The following KCNK13 variants were observed in gnomAD, a reference collection of about 807,000 sequenced individuals.
KCNK13 encodes potassium channel subfamily K member 13.
KCNK13 carries 12 observed loss-of-function variants against 23.4 expected under a neutral mutation model. The observed-to-expected ratio is 0.51, with a 90% CI of 0.33 to 0.83. KCNK13 has a LOEUF of 0.83. Among genes scored for constraint, KCNK13 ranks in the 40% least tolerant of loss-of-function variants. KCNK13 has a pLI of 0.02. For synonymous variants in KCNK13, 231 were observed against 229.5 expected, an observed-to-expected ratio of 1.01 and a Z score of -0.06; for missense variants, 463 against 556.3, an observed-to-expected ratio of 0.83 and a Z score of 1.69.
intron 1 of KCNK13, among the ~76,000 whole-genome samples, chr14:90,175,575 A>G (rs1234880801): frequency 6.6e-6 from 1 of 152,152 alleles, no homozygotes; most frequent in Non-Finnish European, 1.5e-5. Flanking sequence ...CTAATTTTCA[A>G]TGGAAAATGG....
chr14:90,175,897 A>G (rs61996900), intron 1 of KCNK13, among the ~76,000 whole-genome samples: 37,329 of 152,026 alleles, frequency 0.25, 5,934 homozygotes, highest in Non-Finnish European at 0.36. Flanking sequence ...CTGTCTCTCC[A>G]GCTGAGTGGT....
rs12587436 is a variant in KCNK13, at chr14:90,119,527, A to G, written c.334+56988A>G. On this transcript the variant is annotated intron_variant, in intron 1 of 1. Coordinates refer to ENST00000282146, the MANE Select transcript of KCNK13 (RefSeq NM_022054.4). ...AAATAATCATCACATAAACAGAACT[A>G]GTTACTAGAAAAATGCAAATTAAAA... 6.6e-5 allele frequency among the ~76,000 whole-genome samples: 10 copies of G among 152,288 alleles called. No individual in the cohort carries two copies. In the East Asian group the frequency reaches 1.7e-3, roughly 26 times the overall value.
In KCNK13 at chr14:90,062,243, T is replaced by C. The variant is rs1888951453; in HGVS notation, c.38T>C (p.Leu13Pro). The C allele has an allele frequency of 7.6e-7, 1 of 1,320,820 alleles. No individual in the cohort carries two copies. The highest frequency in any genetic ancestry group is 9.9e-7 in the Non-Finnish European group (1 of 1,010,144). 81.8% of individuals were successfully genotyped at this position (1,320,820 alleles called of 1,614,324 possible). Residue 13 changes from leucine to proline, a missense_variant, in exon 1 of 2, where the codon CTG becomes CCG. By Grantham distance (98) the Leu-to-Pro change is moderately conservative (BLOSUM62 -3). Around this residue, in one of 3 missense-constraint regions of KCNK13, gnomAD observed 153 missense variants for 153.6 expected, o/e 1.00. Coordinates refer to ENST00000282146, the MANE Select transcript of KCNK13 (RefSeq NM_022054.4). The surrounding 1 kb of genome is among the most constrained non-coding windows in gnomAD (Gnocchi z 4.5). ...GRGFSWGPGH[L>P]NEDNARFLLL... Reference sequence around the variant, plus strand: ...GGTTTCAGCTGGGGCCCGGGCCACCTGAACGAGGACAACGCGCGCTTTCTG... The same window carrying C: ...GGTTTCAGCTGGGGCCCGGGCCACCCGAACGAGGACAACGCGCGCTTTCTG...
intron 1 of KCNK13, among the ~76,000 whole-genome samples, chr14:90,155,351 T>C (rs1230749465): frequency 2.0e-5 from 3 of 151,334 alleles, no homozygotes. Context: ...AATTTAGAGG[T>C]AGGATTGGGG....
intron 1 of KCNK13, among the ~76,000 whole-genome samples, chr14:90,131,083 A>T (rs1019196739): frequency 6.6e-6 from 1 of 152,166 alleles, no homozygotes; most frequent in Non-Finnish European, 1.5e-5. Flanking sequence ...ATGAGAACTT[A>T]TGGAAAGCAC....
intron 1 of KCNK13, among the ~76,000 whole-genome samples, chr14:90,063,076 T>C (rs1335253646): frequency 6.6e-6 from 1 of 151,804 alleles, no homozygotes; most frequent in Non-Finnish European, 1.5e-5. Context: ...GTTCAAAAGA[T>C]GGAAAATTTT....
intron 1 of KCNK13, among the ~76,000 whole-genome samples, chr14:90,104,791 CT>C (rs66511223): frequency 0.22 from 24,858 of 113,194 alleles, 2,378 homozygotes; most frequent in Non-Finnish European, 0.27. Flanking sequence ...CTTTTCTTTT[CT>C]TTTTTTTTTT....
chr14:90,178,923 T>C (rs1890454843), intron 1 of KCNK13, among the ~76,000 whole-genome samples: 1 of 152,150 alleles, frequency 6.6e-6, no homozygotes. Context: ...TGTTAATGAA[T>C]GAAAGAGGCT....
At chr14:90,128,985 AC>A (rs1889836095) in intron 1 of KCNK13, among the ~76,000 whole-genome samples, 1 of 152,080 alleles carries the variant, frequency 6.6e-6, no homozygotes, top group Non-Finnish European at 1.5e-5. Context: ...ACTACCCTGA[AC>A]TGGGTAATTA....
chr14:90,077,455 TG>T (rs1889153790), intron 1 of KCNK13, among the ~76,000 whole-genome samples: 1 of 152,348 alleles, frequency 6.6e-6, no homozygotes, highest in African/African-American at 2.4e-5. Flanking sequence ...ATTTCCTTAA[TG>T]TTAGTTCAGA....
At chr14:90,078,446 AAG>A (rs1889167562) in intron 1 of KCNK13, among the ~76,000 whole-genome samples, 1 of 151,380 alleles carries the variant, frequency 6.6e-6, no homozygotes, top group South Asian at 2.1e-4. Flanking sequence ...AAAAAAAAGA[AAG>A]AGAGGAAGGA....
intron 1 of KCNK13, among the ~76,000 whole-genome samples, chr14:90,171,982 C>A (rs117654443): frequency 4.7e-4 from 71 of 152,210 alleles, no homozygotes; most frequent in Non-Finnish European, 9.3e-4. Context: ...TTGCAGAACT[C>A]AGTGGGCAGT....
At chr14:90,085,151 C>T (rs2140397236) in intron 1 of KCNK13, among the ~76,000 whole-genome samples, 1 of 151,814 alleles carries the variant, frequency 6.6e-6, no homozygotes, top group Non-Finnish European at 1.5e-5. Flanking sequence ...ACCATGTTGG[C>T]CAGGCTGGTC....
At chr14:90,069,030 CTTTTTTT>C (rs34881625) in intron 1 of KCNK13, among the ~76,000 whole-genome samples, 46 of 90,122 alleles carry the variant, frequency 5.1e-4, no homozygotes, top group Non-Finnish European at 7.5e-4. Flanking sequence ...AGTTTTTATT[CTTTTTTT>C]TTTTTTTTTT....
intron 1 of KCNK13, among the ~76,000 whole-genome samples, chr14:90,073,969 C>T (rs908144499): frequency 6.6e-6 from 1 of 150,976 alleles, no homozygotes; most frequent in African/African-American, 2.4e-5. Context: ...GCCACTGCGC[C>T]CGACCAAGAT....
chr14:90,110,198 G>T (rs1889598336), intron 1 of KCNK13, among the ~76,000 whole-genome samples: 1 of 152,050 alleles, frequency 6.6e-6, no homozygotes, highest in African/African-American at 2.4e-5. Flanking sequence ...TGTGCGTGCA[G>T]ATTACCAGCA....
At chr14:90,103,027 C>T (rs1406577669) in intron 1 of KCNK13, among the ~76,000 whole-genome samples, 1 of 152,148 alleles carries the variant, frequency 6.6e-6, no homozygotes, top group African/African-American at 2.4e-5. Flanking sequence ...TGAGAACATG[C>T]AGTATTTGGC....
chr14:90,163,350 A>G (rs1264252995), intron 1 of KCNK13, among the ~76,000 whole-genome samples: 1 of 152,202 alleles, frequency 6.6e-6, no homozygotes, highest in East Asian at 1.9e-4. Flanking sequence ...ATGTCATCAG[A>G]AGAAAATCCC....
chr14:90,112,864 C>T (rs1032237207), intron 1 of KCNK13, among the ~76,000 whole-genome samples: 1 of 149,870 alleles, frequency 6.7e-6, no homozygotes, highest in African/African-American at 2.5e-5. Flanking sequence ...AATTGATGAA[C>T]CAAATATTTT....
Sources: gnomAD v4.1 joint callset for allele counts (sites outside exome capture counted in the v4.1 genomes callset) on GRCh38, gnomAD v4.1.1 for gene constraint, gnomAD v4.1.1 regional missense constraint, Gnocchi (gnomAD v3.1) non-coding constraint, MANE v1.5 for transcripts, NCBI Gene and HGNC (gene_info 2026-07-23, HGNC 2026-07-21) for gene names.